Variants in EZR observed in about 807,000 individuals in gnomAD.
The protein encoded by EZR is ezrin, also known as cytovillin 2.
Under a neutral mutation model 74.8 loss-of-function variants are expected in EZR, and 40 were observed. The observed-to-expected ratio is 0.53, with a 90% confidence interval of 0.42 to 0.70. EZR has a LOEUF of 0.70. EZR is among the 30% of genes least tolerant of loss of function. The probability of loss-of-function intolerance (pLI) is 0.00; values close to 1 mark genes in which losing one functional copy is unlikely to be tolerated. For synonymous variants in EZR, 341 were observed against 283.3 expected, an observed-to-expected ratio of 1.20 and a Z score of -2.05; for missense variants, 678 against 755.8, an observed-to-expected ratio of 0.90 and a Z score of 1.21.
chr6:158,817,912 A>G (rs1777594535), intron 2 of EZR, 170 bp downstream of exon 2: 3 of 519,380 alleles, frequency 5.8e-6, no homozygotes, highest in African/African-American at 2.0e-5. Flanking sequence ...ACGCTCCACA[A>G]AAGGGTCAAC....
chr6:158,779,251 CAA>C (rs1791362299), intron 7 of EZR, among the ~76,000 whole-genome samples: 1 of 152,112 alleles, frequency 6.6e-6, no homozygotes, highest in Non-Finnish European at 1.5e-5. Context: ...AAGGGCTTTC[CAA>C]AGTCAATGGC....
At chr6:158,789,174 C>A (rs1014053617) in intron 3 of EZR, 114 bp downstream of exon 3, 2 of 710,906 alleles carry the variant, frequency 2.8e-6, no homozygotes, top group African/African-American at 1.8e-5. Context: ...TCCTTCTCAT[C>A]TATTACCTCA....
intron 2 of EZR, among the ~76,000 whole-genome samples, chr6:158,804,423 A>C (rs1777284601): frequency 6.6e-6 from 1 of 152,230 alleles, no homozygotes. Context: ...TTATCTAATA[A>C]ACTCCTGAAG....
In EZR at chr6:158,766,144, TTC is replaced by T. The variant is rs1295834210; in HGVS notation, c.*768_*769del. ...GGTTTAGAGGGTTTTTCATATGTAA[TTC>T]TTTTATTCTGTAAAAGGTAACAAAA... On this transcript the variant is annotated 3_prime_UTR_variant, in exon 14 of 14. Coordinates refer to ENST00000367075, the MANE Select transcript of EZR (RefSeq NM_001111077.2). The T allele has an allele frequency of 5.9e-5, 9 of 152,662 alleles. No homozygotes were observed. Among genetic ancestry groups the T allele is most frequent in the Non-Finnish European group, 1.0e-4 (7 of 68,042 alleles). 9.5% of individuals were successfully genotyped at this position (152,662 alleles called of 1,614,324 possible). A position where few individuals can be genotyped will look rare whatever the true frequency, so the allele number is the denominator to read the frequency against.
rs1791520581 is a variant in EZR at position 158,784,627 on chromosome 6, C to T, written c.551+17G>A. ...CACGGAGATGGCAAGATCCCAACAG[C>T]AGGGCACAGCACTCACTTGAGCATC... On this transcript the variant is annotated intron_variant, in intron 6 of 13. Coordinates refer to ENST00000367075, the MANE Select transcript of EZR (RefSeq NM_001111077.2). The T allele has an allele frequency of 3.1e-6, 5 of 1,610,916 alleles. No homozygotes were observed. Among genetic ancestry groups the T allele is most frequent in the Non-Finnish European group, 3.4e-6 (4 of 1,176,980 alleles).
chr6:158,783,438 A>G, intron 7 of EZR, 82 bp downstream of exon 7: 2 of 1,340,014 alleles, frequency 1.5e-6, no homozygotes, highest in Non-Finnish European at 2.0e-6. Flanking sequence ...TACTTCAAAA[A>G]TAACCCACAA....
chr6:158,818,172 G>A lies in EZR; in HGVS notation c.-73-6C>T. ...AGCGAAGACGCTGTCCCAACCTGGA[G>A]TCAGAGCAGAACCCTTAGAGCGCCC... On this transcript the variant is annotated splice_region_variant and splice_polypyrimidine_tract_variant and intron_variant, in intron 1 of 13. Coordinates refer to ENST00000367075, the MANE Select transcript of EZR (RefSeq NM_001111077.2). 8.4e-6 allele frequency: 13 copies of A among 1,555,256 alleles called. No individual in the cohort carries two copies. The highest frequency in any genetic ancestry group is 4.5e-5 in the South Asian group (4 of 88,482).
At chr6:158,796,722 C>G (rs1256722825) in intron 2 of EZR, among the ~76,000 whole-genome samples, 2 of 152,228 alleles carry the variant, frequency 1.3e-5, no homozygotes, top group East Asian at 1.9e-4. Flanking sequence ...CCTTCTTTAG[C>G]TGAAAGGCTG....
intron 4 of EZR, 138 bp from the exon 5 acceptor site, chr6:158,785,721 T>G (rs1039797680): frequency 2.6e-6 from 3 of 1,133,766 alleles, no homozygotes; most frequent in Non-Finnish European, 3.7e-6. Flanking sequence ...GTCATCTTTT[T>G]AGCACTCCAG....
At chr6:158,774,011 C>T (rs190414961) in intron 8 of EZR, among the ~76,000 whole-genome samples, 39 of 152,328 alleles carry the variant, frequency 2.6e-4, no homozygotes, top group Non-Finnish European at 5.0e-4. Context: ...AAAAAGGAGA[C>T]GCCAGTTGTT....
At chr6:158,769,129 T>A (rs1330833787) in intron 12 of EZR, among the ~76,000 whole-genome samples, 197 bp downstream of exon 12, 1 of 152,094 alleles carries the variant, frequency 6.6e-6, no homozygotes, top group East Asian at 1.9e-4. Context: ...GTCAAACCCA[T>A]CTCTTTGGGG....
chr6:158,818,431 G>A (rs1777613291), intron 1 of EZR, among the ~76,000 whole-genome samples: 1 of 151,432 alleles, frequency 6.6e-6, no homozygotes, highest in South Asian at 2.1e-4. Context: ...CCCCCCAGTT[G>A]GGGGTGGGTC....
chr6:158,772,883 G>C (rs972633988), intron 8 of EZR, among the ~76,000 whole-genome samples: 18 of 151,764 alleles, frequency 1.2e-4, no homozygotes, highest in African/African-American at 4.1e-4. Flanking sequence ...CATCCGAGAA[G>C]AATCTATTTA....
At chr6:158,798,305 T>C (rs924775425) in intron 2 of EZR, among the ~76,000 whole-genome samples, 3 of 152,244 alleles carry the variant, frequency 2.0e-5, no homozygotes, top group African/African-American at 4.8e-5. Context: ...GCATTCAAAC[T>C]AGACTGTGGT....
intron 2 of EZR, among the ~76,000 whole-genome samples, chr6:158,795,617 C>G (rs1777053869): frequency 6.6e-6 from 1 of 152,130 alleles, no homozygotes; most frequent in Non-Finnish European, 1.5e-5. Context: ...TGCCAGGCAC[C>G]TCGATGGGCA....
chr6:158,776,639 T>C, intron 7 of EZR, 135 bp from the exon 8 acceptor site: 2 of 653,300 alleles, frequency 3.1e-6, no homozygotes, highest in South Asian at 3.9e-5. Context: ...CAATGTGTTA[T>C]ATGCTATTAT....
Position 158,770,752 on chromosome 6 carries a change from A to G in EZR, c.1090+12T>C, listed in dbSNP as rs2128565995. 6.2e-7 allele frequency: 1 copy of G among 1,614,062 alleles called. No homozygotes were observed. The highest frequency in any genetic ancestry group is 1.1e-5 in the South Asian group (1 of 91,076). On this transcript the variant is annotated intron_variant, in intron 10 of 13. Coordinates refer to ENST00000367075, the MANE Select transcript of EZR (RefSeq NM_001111077.2). The stretch of plus-strand genomic sequence containing the variant: ...TGACCCAGTGTAGAGTGCCAGCCCC[A>G]GGGCGCCTGACCTCTCTCTGCCTTC...
At chr6:158,772,191 C>A (rs562285480) in intron 8 of EZR, among the ~76,000 whole-genome samples, 1 of 152,378 alleles carries the variant, frequency 6.6e-6, no homozygotes, top group South Asian at 2.1e-4. Flanking sequence ...ATGAGGCCAT[C>A]AGCTCCCAAG....
At chr6:158,768,584 G>A (rs1463663852) in intron 12 of EZR, among the ~76,000 whole-genome samples, 1 of 152,190 alleles carries the variant, frequency 6.6e-6, no homozygotes, top group African/African-American at 2.4e-5. Flanking sequence ...AAAGCCTGGT[G>A]TGCAGTCTCC....
Sources: gnomAD v4.1 joint callset for allele counts (sites outside exome capture counted in the v4.1 genomes callset) on GRCh38, gnomAD v4.1.1 for gene constraint, MANE v1.5 for transcripts, NCBI Gene and HGNC (gene_info 2026-07-23, HGNC 2026-07-21) for gene names.